The following TMEM117 variants were observed in gnomAD, a reference collection of about 807,000 sequenced individuals.
TMEM117 encodes the protein transmembrane protein 117.
A neutral mutation model predicts 52.4 loss-of-function variants in TMEM117; 27 were observed. The ratio of observed to expected loss-of-function variants is 0.51; its 90% CI spans 0.38 to 0.71. TMEM117 has a LOEUF of 0.71. Ranked by LOEUF, TMEM117 falls within the 30% of genes least tolerant of loss-of-function variation. The probability of loss-of-function intolerance (pLI) is 0.00; values close to 1 mark genes in which losing one functional copy is unlikely to be tolerated. For synonymous variants in TMEM117, 215 were observed against 206.3 expected (o/e 1.04, Z -0.36); for missense variants, 556 against 630.5 (o/e 0.88, Z 1.26).
At chr12:43,982,269 G>A (rs1024976584) in intron 3 of TMEM117, among the ~76,000 whole-genome samples, 3 of 152,162 alleles carry the variant, frequency 2.0e-5, no homozygotes, top group African/African-American at 7.2e-5. Context: ...TTTCCCCGAG[G>A]AATACAAAAT....
intron 6 of TMEM117, among the ~76,000 whole-genome samples, chr12:44,343,911 C>G (rs1951449856): frequency 6.6e-6 from 1 of 152,084 alleles, no homozygotes; most frequent in Non-Finnish European, 1.5e-5. Flanking sequence ...TTGGCTGGCA[C>G]TGAAGTGGAC....
At position 43,841,025 on chromosome 12, in the gene TMEM117, C is replaced by T. The variant is rs991458012; in HGVS notation, c.-28-3599C>T. ...GCTGAGAGGACTAGGCAAACATTTG[C>T]AGCCTGTGTACGAAGTCATGAAGTG... On this transcript the variant is annotated intron_variant, in intron 1 of 7. Coordinates refer to ENST00000266534, the MANE Select transcript of TMEM117 (RefSeq NM_032256.3). Among the ~76,000 whole-genome samples the T allele has an allele frequency of 4.6e-5, 7 of 152,294 alleles. 1 individual carries two copies. The highest frequency in any genetic ancestry group is 2.6e-4 in the Admixed American group (4 of 15,296).
chr12:44,398,531 G>A, the TMEM117 span, among the ~76,000 whole-genome samples: 1 of 152,186 alleles, frequency 6.6e-6, no homozygotes, highest in Non-Finnish European at 1.5e-5. Flanking sequence ...ATGGACTGCA[G>A]ACAAGAGACC....
chr12:43,799,392 A>T, the TMEM117 span: 16 of 1,586,736 alleles, frequency 1.0e-5, no homozygotes, highest in South Asian at 1.8e-4. Flanking sequence ...TGTAGTTGTA[A>T]CTTACCTCAT....
intron 6 of TMEM117, among the ~76,000 whole-genome samples, chr12:44,308,319 T>G (rs1255937539): frequency 6.6e-6 from 1 of 152,224 alleles, no homozygotes; most frequent in African/African-American, 2.4e-5. Flanking sequence ...AATGTGCTTT[T>G]TCTTATAATT....
chr12:44,280,683 C>T (rs1021344922), intron 5 of TMEM117, among the ~76,000 whole-genome samples: 3 of 152,040 alleles, frequency 2.0e-5, no homozygotes, highest in Non-Finnish European at 4.4e-5. Flanking sequence ...GTGTCTTTAT[C>T]ATGGTGGTTG....
At chr12:44,048,511 A>C (rs1320021150) in intron 3 of TMEM117, among the ~76,000 whole-genome samples, 1 of 152,226 alleles carries the variant, frequency 6.6e-6, no homozygotes, top group East Asian at 1.9e-4. Flanking sequence ...TACTTTAATA[A>C]CAGCTTTAGC....
At chr12:44,332,355 A>G (rs1951282089) in intron 6 of TMEM117, among the ~76,000 whole-genome samples, 1 of 152,112 alleles carries the variant, frequency 6.6e-6, no homozygotes, top group South Asian at 2.1e-4. Flanking sequence ...CTTACTTTGA[A>G]TAACAAAGCC....
intron 6 of TMEM117, among the ~76,000 whole-genome samples, chr12:44,368,125 A>G (rs1951815229): frequency 6.6e-6 from 1 of 152,096 alleles, no homozygotes; most frequent in African/African-American, 2.4e-5. Flanking sequence ...AGAGCTTCTC[A>G]GGGCTTCCTC....
At chr12:44,125,871 T>C (rs919705164) in intron 3 of TMEM117, among the ~76,000 whole-genome samples, 1 of 152,222 alleles carries the variant, frequency 6.6e-6, no homozygotes, top group African/African-American at 2.4e-5. Flanking sequence ...AATTTGTCTC[T>C]TAACAGTGCT....
At chr12:44,046,538 C>A (rs577564647) in intron 3 of TMEM117, among the ~76,000 whole-genome samples, 260 of 152,214 alleles carry the variant, frequency 1.7e-3, no homozygotes, top group South Asian at 4.8e-3. Context: ...CCAGACACTT[C>A]AGGAATGGAG....
intron 4 of TMEM117, among the ~76,000 whole-genome samples, chr12:44,193,631 CT>C (rs1416547446): frequency 1.2e-4 from 18 of 152,286 alleles, no homozygotes; most frequent in Admixed American, 8.5e-4. Flanking sequence ...AAAAAAGGTG[CT>C]TTGGAAACTT....
intron 6 of TMEM117, among the ~76,000 whole-genome samples, chr12:44,311,179 GTA>G (rs367612892): frequency 4.0e-5 from 6 of 151,098 alleles, no homozygotes; most frequent in African/African-American, 7.3e-5. Flanking sequence ...TTTTATGTGA[GTA>G]TATATATATA....
intron 4 of TMEM117, among the ~76,000 whole-genome samples, chr12:44,176,309 T>C (rs1949115625): frequency 6.6e-6 from 1 of 152,218 alleles, no homozygotes; most frequent in Non-Finnish European, 1.5e-5. Context: ...AGAATGGTGC[T>C]TGGCACATAG....
At chr12:44,386,176 T>G (rs777048978) in intron 7 of TMEM117, among the ~76,000 whole-genome samples, 1 of 152,184 alleles carries the variant, frequency 6.6e-6, no homozygotes, top group African/African-American at 2.4e-5. Flanking sequence ...TCTGTTGATC[T>G]CTGTCCTGTT....
chr12:44,123,783 A>T (rs568129296), intron 3 of TMEM117, among the ~76,000 whole-genome samples: 2 of 152,310 alleles, frequency 1.3e-5, no homozygotes, highest in Non-Finnish European at 2.9e-5. Flanking sequence ...TACTGGTACC[A>T]TGCTGTTTTG....
chr12:44,309,307 G>T (rs1356992575), intron 6 of TMEM117, among the ~76,000 whole-genome samples: 2 of 152,144 alleles, frequency 1.3e-5, no homozygotes, highest in African/African-American at 4.8e-5. Flanking sequence ...TGGGTCTTCT[G>T]AACCTCTACC....
rs529506957 is a variant in TMEM117 at position 44,236,206 on chromosome 12, A to C, written c.608+24819A>C. Among the ~76,000 whole-genome samples the C allele has an allele frequency of 1.5e-4, 22 of 150,964 alleles. No homozygotes were observed. The East Asian group carries it at 1.9e-3, about 13-fold the overall frequency. ...TATATATAGAGAGAGAGAGAGAGAG[A>C]GCGCCATTGTGCCATTCTCTTCCAC... On this transcript the variant is annotated intron_variant, in intron 5 of 7. Coordinates refer to ENST00000266534, the MANE Select transcript of TMEM117 (RefSeq NM_032256.3).
chr12:43,997,433 C>A (rs1946049352), intron 3 of TMEM117, among the ~76,000 whole-genome samples: 1 of 152,088 alleles, frequency 6.6e-6, no homozygotes, highest in South Asian at 2.1e-4. Context: ...AATATCTCCA[C>A]TTCTATTTTC....
Sources: gnomAD v4.1 joint callset for allele counts (sites outside exome capture counted in the v4.1 genomes callset) on GRCh38, gnomAD v4.1.1 for gene constraint, MANE v1.5 for transcripts, NCBI Gene and HGNC (gene_info 2026-07-23, HGNC 2026-07-21) for gene names.